GABRB1: variants seen among roughly 807,000 people sequenced by gnomAD.
The protein encoded by GABRB1 is gamma-aminobutyric acid receptor subunit beta-1.
Under a neutral mutation model 51.6 loss-of-function variants are expected in GABRB1, and 17 were observed. That is an observed-to-expected ratio of 0.33 (90% CI 0.23 to 0.49). The LOEUF (loss-of-function observed/expected upper bound fraction) is 0.49. Ranked by LOEUF, GABRB1 falls within the 20% of genes least tolerant of loss-of-function variation. The pLI, the probability that GABRB1 is intolerant of heterozygous loss-of-function variation, is 0.99. For missense variants in GABRB1, 410 were observed against 600.6 expected, an observed-to-expected ratio of 0.68 and a Z score of 3.32; for synonymous variants, 247 against 218.9, an observed-to-expected ratio of 1.13 and a Z score of -1.14.
chr4:47,100,859 G>A (rs895490570), intron 3 of GABRB1, among the ~76,000 whole-genome samples: 1 of 151,912 alleles, frequency 6.6e-6, no homozygotes, highest in African/African-American at 2.4e-5. Flanking sequence ...ATGTATAATA[G>A]AGGGGGTATG....
intron 3 of GABRB1, among the ~76,000 whole-genome samples, chr4:47,074,777 T>C (rs1193120169): frequency 6.6e-6 from 1 of 152,188 alleles, no homozygotes; most frequent in African/African-American, 2.4e-5. Flanking sequence ...GAGCTAAAGC[T>C]AAAAGAATTA....
intron 1 of GABRB1, among the ~76,000 whole-genome samples, chr4:47,023,600 T>C (rs1466829676): frequency 2.6e-5 from 4 of 151,946 alleles, no homozygotes; most frequent in Admixed American, 1.3e-4. Flanking sequence ...TATGTAAAAG[T>C]ATAAAAGAAG....
intron 5 of GABRB1, among the ~76,000 whole-genome samples, chr4:47,400,921 C>CTTTTTTTTTT (rs71195629): frequency 1.0e-5 from 1 of 98,542 alleles, no homozygotes; most frequent in Non-Finnish European, 1.9e-5. Context: ...TTGTTCTTCT[C>CTTTTTTTTTT]TTTTTTTTTT....
chr4:47,379,099 A>G (rs1037752975), intron 5 of GABRB1, among the ~76,000 whole-genome samples: 1 of 152,194 alleles, frequency 6.6e-6, no homozygotes, highest in Non-Finnish European at 1.5e-5. Flanking sequence ...GCCAATTCCC[A>G]TAGTGCCTGA....
At chr4:47,217,774 A>G (rs1237216625) in intron 4 of GABRB1, among the ~76,000 whole-genome samples, 1 of 151,800 alleles carries the variant, frequency 6.6e-6, no homozygotes, top group Non-Finnish European at 1.5e-5. Context: ...CACAATGTGA[A>G]ATGATCACAT....
intron 3 of GABRB1, among the ~76,000 whole-genome samples, chr4:47,104,379 T>G (rs1188070558): frequency 6.6e-6 from 1 of 151,960 alleles, no homozygotes; most frequent in Non-Finnish European, 1.5e-5. Context: ...TATTTGTTTG[T>G]TTTTGTATTT....
intron 3 of GABRB1, among the ~76,000 whole-genome samples, chr4:47,158,178 T>A (rs1265113959): frequency 6.6e-6 from 1 of 152,094 alleles, no homozygotes; most frequent in African/African-American, 2.4e-5. Flanking sequence ...CCATGTTTTT[T>A]CCTTTCTGTT....
chr4:47,200,746 A>G (rs973468982), intron 4 of GABRB1, among the ~76,000 whole-genome samples: 8 of 152,210 alleles, frequency 5.3e-5, no homozygotes, highest in Non-Finnish European at 1.2e-4. Flanking sequence ...ATAGCTGTAT[A>G]TGACATTGAA....
intron 3 of GABRB1, among the ~76,000 whole-genome samples, chr4:47,126,002 GTCTATATATGTATA>G (rs1716121349): frequency 6.6e-6 from 1 of 150,664 alleles, no homozygotes; most frequent in African/African-American, 2.4e-5. Flanking sequence ...ATTGCATTGT[GTCTATATATGTATA>G]CATACATATA....
At chr4:47,171,276 AAAAAG>A (rs1718425387) in intron 4 of GABRB1, among the ~76,000 whole-genome samples, 2 of 152,072 alleles carry the variant, frequency 1.3e-5, no homozygotes, top group African/African-American at 4.8e-5. Context: ...TTCTCAAAAA[AAAAAG>A]AAAAGACTTA....
intron 3 of GABRB1, among the ~76,000 whole-genome samples, chr4:47,048,578 C>A (rs1183410974): frequency 6.6e-6 from 1 of 152,100 alleles, no homozygotes; most frequent in Non-Finnish European, 1.5e-5. Flanking sequence ...AAAAAGATAA[C>A]CCATAAGGCT....
At chr4:47,196,337 C>T (rs2109790725) in intron 4 of GABRB1, among the ~76,000 whole-genome samples, 1 of 152,272 alleles carries the variant, frequency 6.6e-6, no homozygotes, top group South Asian at 2.1e-4. Flanking sequence ...GGCCCAAGCA[C>T]TTGGGTATAG....
intron 5 of GABRB1, among the ~76,000 whole-genome samples, chr4:47,388,537 G>A (rs536910089): frequency 6.6e-6 from 1 of 152,172 alleles, no homozygotes; most frequent in South Asian, 2.1e-4. Context: ...TTCTATGATC[G>A]CAAATCTGGG....
intron 5 of GABRB1, among the ~76,000 whole-genome samples, chr4:47,369,458 C>T (rs1727111215): frequency 6.7e-6 from 1 of 149,786 alleles, no homozygotes; most frequent in African/African-American, 2.4e-5. Context: ...CACACACACA[C>T]ACACTCATTT....
intron 1 of GABRB1, among the ~76,000 whole-genome samples, chr4:47,017,894 G>C (rs547814053): frequency 5.9e-4 from 90 of 152,192 alleles, no homozygotes; most frequent in African/African-American, 1.8e-3. Flanking sequence ...TTAAATTGTT[G>C]TTAAATTCAG....
At chr4:47,344,826 G>A (rs903713767) in intron 5 of GABRB1, among the ~76,000 whole-genome samples, 4 of 152,064 alleles carry the variant, frequency 2.6e-5, no homozygotes, top group Non-Finnish European at 4.4e-5. Flanking sequence ...AGGTTCAAGC[G>A]ATTCTCATGC....
rs562432516 is a variant in GABRB1 at position 47,148,984 on chromosome 4, A to G, written c.241-12265A>G. On this transcript the variant is annotated intron_variant, in intron 3 of 8. Coordinates refer to ENST00000295454, the MANE Select transcript of GABRB1 (RefSeq NM_000812.4). ...ATGCTTAAACCATGCTTGTTATATGATACAGTGGAAAGAACTTTGCCCATA... is the reference window on the plus strand; with the variant it reads ...ATGCTTAAACCATGCTTGTTATATGGTACAGTGGAAAGAACTTTGCCCATA... 3.8e-4 allele frequency among the ~76,000 whole-genome samples: 58 copies of G among 152,078 alleles called. No homozygotes were observed. The South Asian group carries it at 0.012, about 32-fold the overall frequency.
At chr4:47,033,977 G>A (rs1035713114) in intron 3 of GABRB1, among the ~76,000 whole-genome samples, 1 of 151,978 alleles carries the variant, frequency 6.6e-6, no homozygotes, top group Non-Finnish European at 1.5e-5. Flanking sequence ...AACACTCTGA[G>A]GAATGTAATA....
intron 3 of GABRB1, among the ~76,000 whole-genome samples, chr4:47,040,575 G>A (rs1336198482): frequency 6.6e-6 from 1 of 152,100 alleles, no homozygotes; most frequent in Non-Finnish European, 1.5e-5. Flanking sequence ...CTCTTTCACT[G>A]CTGAAGTGGA....
Sources: gnomAD v4.1 joint callset for allele counts (sites outside exome capture counted in the v4.1 genomes callset) on GRCh38, gnomAD v4.1.1 for gene constraint, MANE v1.5 for transcripts, NCBI Gene and HGNC (gene_info 2026-07-23, HGNC 2026-07-21) for gene names.